The following CTNNA1 variants were observed in gnomAD, a reference collection of about 807,000 sequenced individuals.
CTNNA1 encodes catenin alpha-1.
A neutral mutation model predicts 98.4 loss-of-function variants in CTNNA1; 37 were observed. The observed-to-expected ratio is 0.38, with a 90% confidence interval of 0.29 to 0.49. The LOEUF is 0.49. CTNNA1 is among the 20% of genes least tolerant of loss of function. The pLI is 0.95. For missense variants in CTNNA1, 761 were observed against 1,147.2 expected (o/e 0.66, Z 4.86); for synonymous variants, 404 against 413.2 (o/e 0.98, Z 0.27).
chr5:138,878,642 A>G (rs1051978216), intron 7 of CTNNA1, among the ~76,000 whole-genome samples: 1 of 152,160 alleles, frequency 6.6e-6, no homozygotes, highest in Non-Finnish European at 1.5e-5. Context: ...TCCACATGAG[A>G]GTTTGCTTTT....
intron 3 of CTNNA1, chr5:138,790,915 A>G (rs1251305227): frequency 6.6e-6 from 1 of 152,198 alleles, no homozygotes; most frequent in Non-Finnish European, 1.5e-5. Context: ...ATGTGTTGTT[A>G]TTCTCATGGC....
chr5:138,909,520 G>T (rs910989988), intron 10 of CTNNA1, among the ~76,000 whole-genome samples: 1 of 151,880 alleles, frequency 6.6e-6, no homozygotes, highest in Non-Finnish European at 1.5e-5. Flanking sequence ...ACCACACTTG[G>T]CTAATTTTTA....
intron 7 of CTNNA1, among the ~76,000 whole-genome samples, chr5:138,885,888 T>C (rs949282757): frequency 6.6e-6 from 1 of 152,194 alleles, no homozygotes; most frequent in Non-Finnish European, 1.5e-5. Flanking sequence ...TTAATAAAAT[T>C]GGTGTATGCT....
At chr5:138,761,686 C>A (rs1418098406) in intron 1 of CTNNA1, among the ~76,000 whole-genome samples, 1 of 151,940 alleles carries the variant, frequency 6.6e-6, no homozygotes, top group Non-Finnish European at 1.5e-5. Context: ...AAACATGAAC[C>A]CAATTATTCT....
chr5:138,897,581 T>C (rs1176580741), intron 9 of CTNNA1, among the ~76,000 whole-genome samples: 1 of 152,088 alleles, frequency 6.6e-6, no homozygotes, highest in East Asian at 1.9e-4. Context: ...AAATTTTAAA[T>C]GAAGCTTCAG....
intron 7 of CTNNA1, among the ~76,000 whole-genome samples, chr5:138,839,589 T>G: frequency 6.6e-6 from 1 of 152,132 alleles, no homozygotes; most frequent in Non-Finnish European, 1.5e-5. Context: ...TTTTTTTAGT[T>G]GGGGGAAAGA....
intron 3 of CTNNA1, among the ~76,000 whole-genome samples, chr5:138,802,608 T>C (rs1757698611): frequency 1.3e-5 from 2 of 152,228 alleles, no homozygotes; most frequent in Non-Finnish European, 2.9e-5. Context: ...CTGATTAAGA[T>C]CAGGTTGCAC....
intron 1 of CTNNA1, among the ~76,000 whole-genome samples, chr5:138,781,498 G>C (rs1755104358): frequency 6.6e-6 from 1 of 150,878 alleles, no homozygotes; most frequent in Admixed American, 6.6e-5. Context: ...GGAGCTTGCA[G>C]TGAGCTGAGA....
At chr5:138,886,978 T>C in intron 8 of CTNNA1, among the ~76,000 whole-genome samples, 1 of 152,316 alleles carries the variant, frequency 6.6e-6, no homozygotes. Context: ...AGATAAAATA[T>C]ATCTTTATTC....
chr5:138,924,756 A>C (rs1332543674), intron 12 of CTNNA1, 46 bp downstream of exon 12: 26 of 1,507,462 alleles, frequency 1.7e-5, no homozygotes, highest in Middle Eastern at 2.2e-4. Context: ...CCGCAGCCTC[A>C]GTGAGGCAGG....
At chr5:138,793,520 GATA>G (rs1172268200) in intron 3 of CTNNA1, among the ~76,000 whole-genome samples, 2 of 152,128 alleles carry the variant, frequency 1.3e-5, no homozygotes, top group African/African-American at 2.4e-5. Context: ...CACTAACCAG[GATA>G]ATAATATTTA....
chr5:138,842,900 A>G (rs1041026859), intron 7 of CTNNA1, among the ~76,000 whole-genome samples: 16 of 152,238 alleles, frequency 1.1e-4, no homozygotes, highest in Non-Finnish European at 1.5e-5. Flanking sequence ...GGCCAACTGT[A>G]GAGGTTAAAA....
At chr5:138,810,704 C>T (rs1311228931) in intron 4 of CTNNA1, among the ~76,000 whole-genome samples, 2 of 152,206 alleles carry the variant, frequency 1.3e-5, no homozygotes, top group African/African-American at 4.8e-5. Flanking sequence ...TACACAGACA[C>T]GGCAACCATC....
At chr5:138,885,515 T>C (rs1355805418) in intron 7 of CTNNA1, among the ~76,000 whole-genome samples, 3 of 152,214 alleles carry the variant, frequency 2.0e-5, no homozygotes, top group Non-Finnish European at 2.9e-5. Context: ...TTCCATTTGA[T>C]TCTGCTTAGA....
intron 10 of CTNNA1, among the ~76,000 whole-genome samples, chr5:138,906,409 T>G (rs1020876823): frequency 2.6e-5 from 4 of 152,250 alleles, no homozygotes; most frequent in Non-Finnish European, 5.9e-5. Flanking sequence ...CTATCAGCAC[T>G]TTGTTTTTAA....
intron 13 of CTNNA1, among the ~76,000 whole-genome samples, chr5:138,927,905 A>G (rs1764476455): frequency 6.6e-6 from 1 of 152,138 alleles, no homozygotes. Flanking sequence ...TAAAACTGTC[A>G]GTGCTGGCAT....
In CTNNA1 at chr5:138,859,281, T is replaced by C. The variant is rs899036935; in HGVS notation, c.1063-26931T>C. The stretch of plus-strand genomic sequence containing the variant: ...TTCCCTTGAAACCTATCCTTTTTTT[T>C]CCGTGACTGCCATTTTACAGGTATT... On this transcript the variant is annotated intron_variant, in intron 7 of 17. Coordinates refer to ENST00000302763, the MANE Select transcript of CTNNA1 (RefSeq NM_001903.5). 2.6e-5 allele frequency among the ~76,000 whole-genome samples: 4 copies of C among 152,204 alleles called. No individual in the cohort carries two copies. The East Asian group carries it at 5.8e-4, about 22-fold the overall frequency.
At chr5:138,875,127 C>A (rs1386770183) in intron 7 of CTNNA1, 4 of 497,750 alleles carry the variant, frequency 8.0e-6, no homozygotes, top group Non-Finnish European at 1.4e-5. Context: ...TTGCTCTGAT[C>A]CCTAAATCAG....
chr5:138,811,205 C>T (rs1221064437), intron 4 of CTNNA1, among the ~76,000 whole-genome samples: 2 of 147,090 alleles, frequency 1.4e-5, no homozygotes, highest in African/African-American at 2.5e-5. Context: ...TCAGACGGGG[C>T]GGCCGGGCAG....
Sources: allele counts gnomAD v4.1 joint callset (sites outside exome capture counted in the v4.1 genomes callset), GRCh38; gene constraint gnomAD v4.1.1; transcripts MANE v1.5; gene names NCBI Gene and HGNC (gene_info 2026-07-23, HGNC 2026-07-21).